The following UBL3 variants were observed in gnomAD, a reference collection of about 807,000 sequenced individuals.
The protein encoded by UBL3 is ubiquitin like 3.
Under a neutral mutation model 18.4 loss-of-function variants are expected in UBL3, and 6 were observed. The observed-to-expected ratio is 0.33, with a 90% confidence interval of 0.18 to 0.64. The LOEUF (loss-of-function observed/expected upper bound fraction) is 0.64, where lower values mean the gene tolerates loss of function less well. Among genes scored for constraint, UBL3 ranks in the 30% least tolerant of loss-of-function variants. The pLI is 0.76. For synonymous variants in UBL3, 49 were observed against 46.6 expected (o/e 1.05, Z -0.21); for missense variants, 109 against 142.9 (o/e 0.76, Z 1.21).
intron 1 of UBL3, among the ~76,000 whole-genome samples, chr13:29,848,214 T>C (rs1158283858): frequency 1.5e-5 from 2 of 135,408 alleles, no homozygotes. Flanking sequence ...GAGGCCAAGA[T>C]GGGTGGATCA....
intron 1 of UBL3, chr13:29,779,243 A>G: frequency 2.0e-6 from 1 of 508,674 alleles, no homozygotes; most frequent in Non-Finnish European, 3.9e-6. Flanking sequence ...CAGTCCTCAC[A>G]GATACATTAC....
chr13:29,823,430 C>T (rs1878530166), intron 1 of UBL3, among the ~76,000 whole-genome samples: 1 of 152,242 alleles, frequency 6.6e-6, no homozygotes, highest in Non-Finnish European at 1.5e-5. Flanking sequence ...GCGTGAGCCA[C>T]TGCGCCCGGC....
At chr13:29,811,689 CTA>C in intron 1 of UBL3, among the ~76,000 whole-genome samples, 1 of 152,100 alleles carries the variant, frequency 6.6e-6, no homozygotes, top group Non-Finnish European at 1.5e-5. Flanking sequence ...GATAAAAAGG[CTA>C]CCTCCAATAA....
At chr13:29,767,328 C>A (rs753022737) in intron 4 of UBL3, 21 bp from the exon 5 acceptor site, 2 of 1,612,714 alleles carry the variant, frequency 1.2e-6, no homozygotes, top group East Asian at 4.5e-5. Flanking sequence ...CGAAGAAGAG[C>A]CTCGTTTATA....
At chr13:29,836,184 AAG>A (rs1306375936) in intron 1 of UBL3, among the ~76,000 whole-genome samples, 1 of 152,134 alleles carries the variant, frequency 6.6e-6, no homozygotes, top group African/African-American at 2.4e-5. Context: ...GAATGAGGAA[AAG>A]AGAGGAATCA....
chr13:29,831,110 A>C (rs1436013225), intron 1 of UBL3, among the ~76,000 whole-genome samples: 2 of 151,684 alleles, frequency 1.3e-5, no homozygotes, highest in Non-Finnish European at 2.9e-5. Context: ...TTGTGCCTTC[A>C]GGGTATCCTC....
At chr13:29,841,370 T>C (rs891238905) in intron 1 of UBL3, among the ~76,000 whole-genome samples, 2 of 152,152 alleles carry the variant, frequency 1.3e-5, no homozygotes, top group African/African-American at 4.8e-5. Context: ...ATCTATTTGT[T>C]ACATATATAT....
chr13:29,767,730 A>G, intron 3 of UBL3, 35 bp from the exon 4 acceptor site: 2 of 1,564,998 alleles, frequency 1.3e-6, no homozygotes, highest in South Asian at 2.3e-5. Context: ...AGTTACACAT[A>G]TATCGACCTA....
At chr13:29,829,362 G>A (rs1878709591) in intron 1 of UBL3, among the ~76,000 whole-genome samples, 1 of 152,212 alleles carries the variant, frequency 6.6e-6, no homozygotes, top group Non-Finnish European at 1.5e-5. Flanking sequence ...AGGCCGCTTT[G>A]TTTACCTACT....
intron 1 of UBL3, among the ~76,000 whole-genome samples, chr13:29,840,637 A>C (rs1879074223): frequency 6.6e-6 from 1 of 152,184 alleles, no homozygotes; most frequent in Non-Finnish European, 1.5e-5. Flanking sequence ...CCAGAAATTC[A>C]AGGATGTTTT....
chr13:29,790,875 C>T (rs74568675), intron 1 of UBL3, among the ~76,000 whole-genome samples: 4,874 of 151,974 alleles, frequency 0.032, 88 homozygotes, highest in African/African-American at 0.048. Context: ...TCCAAGGTTC[C>T]CTCATCAGTC....
chr13:29,774,199 G>A (rs1011773447), intron 2 of UBL3, among the ~76,000 whole-genome samples: 2 of 151,942 alleles, frequency 1.3e-5, no homozygotes, highest in Admixed American at 6.6e-5. Flanking sequence ...GTTCATTTGG[G>A]ATACTATTTA....
intron 1 of UBL3, among the ~76,000 whole-genome samples, chr13:29,830,231 G>A (rs1313606261): frequency 6.6e-6 from 1 of 152,182 alleles, no homozygotes; most frequent in Non-Finnish European, 1.5e-5. Context: ...ATTGAGAAAT[G>A]AGATATGTAA....
chr13:29,801,423 T>C (rs551543708), intron 1 of UBL3, among the ~76,000 whole-genome samples: 39 of 152,282 alleles, frequency 2.6e-4, no homozygotes, highest in African/African-American at 9.1e-4. Flanking sequence ...GAGAGCTTTA[T>C]TCACACTTAA....
chr13:29,829,725 A>G (rs1369827483), intron 1 of UBL3, among the ~76,000 whole-genome samples: 2 of 152,128 alleles, frequency 1.3e-5, no homozygotes, highest in Non-Finnish European at 2.9e-5. Context: ...AGCCCCAGTG[A>G]GATGAACCCA....
intron 1 of UBL3, among the ~76,000 whole-genome samples, chr13:29,791,797 T>C: frequency 6.6e-6 from 1 of 152,176 alleles, no homozygotes; most frequent in East Asian, 1.9e-4. Flanking sequence ...GTACCTCAAT[T>C]TAGACAATAA....
intron 1 of UBL3, among the ~76,000 whole-genome samples, chr13:29,778,603 A>T (rs1018992973): frequency 2.0e-5 from 3 of 151,880 alleles, no homozygotes; most frequent in Admixed American, 1.3e-4. Flanking sequence ...TTAGTTACTA[A>T]TTTTTTTTCT....
At chr13:29,849,415 G>T in intron 1 of UBL3, 97 bp downstream of exon 1, 1 of 1,560,008 alleles carries the variant, frequency 6.4e-7, no homozygotes, top group Non-Finnish European at 8.8e-7. Flanking sequence ...CTTTTCGACA[G>T]TCCCCAGCAA....
At chr13:29,784,919 C>T (rs1278385649) in intron 1 of UBL3, among the ~76,000 whole-genome samples, 2 of 152,086 alleles carry the variant, frequency 1.3e-5, no homozygotes, top group Non-Finnish European at 2.9e-5. Context: ...TTACCAATTT[C>T]TTTTGAGACG....
Sources: allele counts gnomAD v4.1 joint callset (sites outside exome capture counted in the v4.1 genomes callset), GRCh38; gene constraint gnomAD v4.1.1; transcripts MANE v1.5; gene names NCBI Gene and HGNC (gene_info 2026-07-23, HGNC 2026-07-21).